TNRC6B: variants seen among roughly 807,000 people sequenced by gnomAD.
TNRC6B encodes the protein trinucleotide repeat-containing gene 6B protein.
TNRC6B carries 52 observed loss-of-function variants against 203.6 expected under a neutral mutation model. The observed-to-expected ratio is 0.26, with a 90% CI of 0.20 to 0.32. The LOEUF is 0.32. TNRC6B is among the 10% of genes least tolerant of loss of function. The pLI is 1.00. For synonymous variants in TNRC6B, 838 were observed against 845.7 expected (o/e 0.99, Z 0.16); for missense variants, 1,923 against 2,286.2 (o/e 0.84, Z 3.24).
At chr22:40,248,891 A>G (rs962125356) in intron 2 of TNRC6B, among the ~76,000 whole-genome samples, 9 of 152,210 alleles carry the variant, frequency 5.9e-5, no homozygotes, top group African/African-American at 1.9e-4. Flanking sequence ...CCATTGCATA[A>G]TTTCAGAATT....
In TNRC6B at chr22:40,273,541, GGCAGTGCTTCCTCCCACAACTCA is replaced by G; in HGVS notation, c.3086_3108del (p.Ser1029LysfsTer20). The G allele has an allele frequency of 6.3e-7, 1 of 1,593,766 alleles. No homozygotes were observed. Among genetic ancestry groups the G allele is most frequent in the Non-Finnish European group, 8.5e-7 (1 of 1,169,908 alleles). On this transcript the variant is annotated frameshift_variant, in exon 7 of 23. Coordinates refer to ENST00000454349, the MANE Select transcript of TNRC6B (RefSeq NM_001162501.2). LOFTEE classifies it high-confidence loss of function. ...AGTCTGGAACACCACTGGCTCTCAG[GGCAGTGCTTCCTCCCACAACTCA>G]GCAAGCTGGGGACAAGGAGGAAAGA...
At chr22:40,320,523 C>T (rs957225447) in intron 21 of TNRC6B, among the ~76,000 whole-genome samples, 1 of 152,180 alleles carries the variant, frequency 6.6e-6, no homozygotes, top group African/African-American at 2.4e-5. Flanking sequence ...ATAAGTTAAT[C>T]AGAGTGAATA....
At chr22:40,122,501 A>G (rs1477971781) in intron 2 of TNRC6B, among the ~76,000 whole-genome samples, 1 of 152,138 alleles carries the variant, frequency 6.6e-6, no homozygotes, top group African/African-American at 2.4e-5. Flanking sequence ...AGAAGAGGAG[A>G]ATGCAGGCTT....
At chr22:40,157,210 C>CTT (rs1461471564) in intron 4 of TNRC6B, among the ~76,000 whole-genome samples, 3 of 152,042 alleles carry the variant, frequency 2.0e-5, no homozygotes, top group Non-Finnish European at 4.4e-5. Context: ...TTCATATGCC[C>CTT]TTTTAAAGGA....
rs113577473 is a variant in TNRC6B, at chr22:40,287,172, G to C, written c.3708+1402G>C. ...CTACAGATGCACACCACCAAGCTTG[G>C]CTGGTTTTAAGTATTGTGTAGAGGT... On this transcript the variant is annotated intron_variant, in intron 12 of 22. Transcript: ENST00000454349. Among the ~76,000 whole-genome samples the C allele has an allele frequency of 3.5e-4, 53 of 151,972 alleles. 2 individuals are homozygous for C. Among genetic ancestry groups the C allele is most frequent in the African/African-American group, 1.2e-3 (51 of 41,442 alleles).
chr22:40,140,986 A>T (rs1448739094), intron 3 of TNRC6B, among the ~76,000 whole-genome samples: 1 of 152,086 alleles, frequency 6.6e-6, no homozygotes, highest in Non-Finnish European at 1.5e-5. Flanking sequence ...TTTCCTTCTC[A>T]TGGTAAGATT....
chr22:40,054,322 C>T (rs1284646992), intron 1 of TNRC6B, among the ~76,000 whole-genome samples: 1 of 152,190 alleles, frequency 6.6e-6, no homozygotes, highest in Non-Finnish European at 1.5e-5. Flanking sequence ...CGTCCCCTGC[C>T]TCTTTTCCTA....
At chr22:40,319,663 A>G (rs984088505) in intron 21 of TNRC6B, among the ~76,000 whole-genome samples, 4 of 152,064 alleles carry the variant, frequency 2.6e-5, no homozygotes, top group African/African-American at 9.7e-5. Flanking sequence ...TGACCTCGTG[A>G]TCTGCCCACC....
At chr22:40,322,629 G>C (rs370540542) in intron 22 of TNRC6B, among the ~76,000 whole-genome samples, 6 of 152,268 alleles carry the variant, frequency 3.9e-5, no homozygotes, top group East Asian at 1.9e-4. Context: ...TGCCTTGTTG[G>C]TTTACATCAT....
At chr22:40,273,635 C>G (rs763867990) in intron 7 of TNRC6B, 35 bp downstream of exon 7, 3 of 1,522,710 alleles carry the variant, frequency 2.0e-6, no homozygotes, top group African/African-American at 1.4e-5. Flanking sequence ...CTTGCTCATT[C>G]GCTCTGAGAA....
At chr22:40,097,346 C>A (rs1369941265) in intron 1 of TNRC6B, among the ~76,000 whole-genome samples, 2 of 151,764 alleles carry the variant, frequency 1.3e-5, no homozygotes, top group Non-Finnish European at 2.9e-5. Context: ...TTCTCTGTTT[C>A]CCAGGCTGGA....
At chr22:40,161,353 A>G (rs1018984550) in intron 4 of TNRC6B, among the ~76,000 whole-genome samples, 23 of 152,222 alleles carry the variant, frequency 1.5e-4, no homozygotes, top group Admixed American at 1.3e-3. Flanking sequence ...CAAACAGCCC[A>G]TTTCACTTAC....
At chr22:40,114,741 T>C (rs907434764) in intron 1 of TNRC6B, among the ~76,000 whole-genome samples, 1 of 152,102 alleles carries the variant, frequency 6.6e-6, no homozygotes, top group African/African-American at 2.4e-5. Context: ...GTTTGGCTGC[T>C]CTGAAAGAGA....
intron 3 of TNRC6B, among the ~76,000 whole-genome samples, chr22:40,145,032 G>A (rs1202099301): frequency 7.7e-6 from 1 of 129,430 alleles, no homozygotes; most frequent in Non-Finnish European, 1.6e-5. Flanking sequence ...AGGAATTTCA[G>A]ACCAGCCTGG....
At chr22:40,066,400 G>A (rs564159963) in intron 1 of TNRC6B, among the ~76,000 whole-genome samples, 6 of 152,256 alleles carry the variant, frequency 3.9e-5, no homozygotes, top group Admixed American at 2.6e-4. Flanking sequence ...TTCTTTAGGG[G>A]TTGCTTCCAG....
At position 40,335,429 on chromosome 22, in the gene TNRC6B, A is replaced by T. The variant is rs564457605; in HGVS notation, c.*12188A>T. On this transcript the variant is annotated 3_prime_UTR_variant, in exon 23 of 23. Coordinates refer to ENST00000454349, the MANE Select transcript of TNRC6B (RefSeq NM_001162501.2). ...CAAATAAGCTGAAAAGTTGCATTTT[A>T]TGTGTATTTTTTGCCATAGCAGGTA... The T allele has an allele frequency of 6.6e-6, 1 of 150,402 alleles. No homozygotes were observed. The highest frequency in any genetic ancestry group is 2.0e-4 in the East Asian group (1 of 5,096). 9.3% of individuals were successfully genotyped at this position (150,402 alleles called of 1,614,324 possible). A position where few individuals can be genotyped will look rare whatever the true frequency, so the allele number is the denominator to read the frequency against.
chr22:40,097,669 TACACACACACAC>T (rs6147625), intron 1 of TNRC6B, among the ~76,000 whole-genome samples: 3,520 of 135,618 alleles, frequency 0.026, 116 homozygotes, highest in African/African-American at 0.076. Context: ...AGGTATATCA[TACACACACACAC>T]ACACACACAC....
intron 20 of TNRC6B, among the ~76,000 whole-genome samples, chr22:40,315,726 A>G (rs568575951): frequency 7.7e-6 from 1 of 129,694 alleles, no homozygotes; most frequent in African/African-American, 2.9e-5. Context: ...TGGCAGAGTG[A>G]GAACACTGGG....
intron 5 of TNRC6B, among the ~76,000 whole-genome samples, chr22:40,268,178 C>G (rs555980709): frequency 2.6e-5 from 4 of 152,272 alleles, no homozygotes; most frequent in South Asian, 4.1e-4. Flanking sequence ...ACCTCCGTGC[C>G]AAGTTCAAGT....
Sources: allele counts gnomAD v4.1 joint callset (sites outside exome capture counted in the v4.1 genomes callset), GRCh38; gene constraint gnomAD v4.1.1; transcripts MANE v1.5; gene names NCBI Gene and HGNC (gene_info 2026-07-23, HGNC 2026-07-21).